MIA3: variants seen among roughly 807,000 people sequenced by gnomAD.
MIA3 encodes transport and Golgi organization protein 1 homolog.
Under a neutral mutation model 192.4 loss-of-function variants are expected in MIA3, and 90 were observed. That is an observed-to-expected ratio of 0.47 (90% CI 0.39 to 0.56). The LOEUF (loss-of-function observed/expected upper bound fraction) is 0.56. Among genes scored for constraint, MIA3 ranks in the 20% least tolerant of loss-of-function variants. The probability of loss-of-function intolerance (pLI) is 0.00; values close to 1 mark genes in which losing one functional copy is unlikely to be tolerated. For synonymous variants in MIA3, 740 were observed against 792.8 expected (o/e 0.93, Z 1.12); for missense variants, 2,123 against 2,269.4 (o/e 0.94, Z 1.31).
At chr1:222,619,964 A>C (rs979920967) in intron 1 of MIA3, among the ~76,000 whole-genome samples, 1 of 152,158 alleles carries the variant, frequency 6.6e-6, no homozygotes, top group Non-Finnish European at 1.5e-5. Flanking sequence ...TCTATGATCT[A>C]TTGTAAGGGG....
At position 222,654,304 on chromosome 1, in the gene MIA3, A is replaced by G. The variant is rs774680976; in HGVS notation, c.4377+6A>G. 1 of 1,613,962 alleles carries G rather than the reference A, an allele frequency of 6.2e-7. No homozygotes were observed. Among genetic ancestry groups the G allele is most frequent in the South Asian group, 1.1e-5 (1 of 91,062 alleles). ...AGATGATGGATGTCTCTCGGGTATA[A>G]TCGTTTTTAGAGTCCCATAATTGCC... On this transcript the variant is annotated splice_donor_region_variant and intron_variant, in intron 16 of 27. Coordinates refer to ENST00000344922, the MANE Select transcript of MIA3 (RefSeq NM_198551.4).
At chr1:222,658,618 G>GC in intron 18 of MIA3, 104 bp from the exon 19 acceptor site, 1 of 757,000 alleles carries the variant, frequency 1.3e-6, no homozygotes, top group Middle Eastern at 2.6e-4. Flanking sequence ...TATAATCTAT[G>GC]CATTTTTAAG....
chr1:222,618,149 G>A lies in MIA3; in HGVS notation c.39G>A (p.Val13=). The A allele has an allele frequency of 1.3e-6, 2 of 1,508,728 alleles. No homozygotes were observed. Among genetic ancestry groups the A allele is most frequent in the Non-Finnish European group, 1.8e-6 (2 of 1,130,118 alleles). 93.5% of individuals were successfully genotyped at this position (1,508,728 alleles called of 1,614,324 possible). A position where few individuals can be genotyped will look rare whatever the true frequency, so the allele number is the denominator to read the frequency against. Residue 13 remains valine, a synonymous_variant, in exon 1 of 28, where the codon GTG becomes GTA. Coordinates refer to ENST00000344922, the MANE Select transcript of MIA3 (RefSeq NM_198551.4). ...AAPGLLVWLL[V]LRLPWRVPGQ... is the part of the protein sequence containing the mutation. The stretch of plus-strand genomic sequence containing the variant: ...CTGGGCTGCTCGTCTGGCTGCTCGT[G>A]CTCCGGCTGCCCTGGCGGGTGCCGG...
At chr1:222,638,393 A>G (rs970552847) in intron 6 of MIA3, among the ~76,000 whole-genome samples, 1 of 152,210 alleles carries the variant, frequency 6.6e-6, no homozygotes, top group African/African-American at 2.4e-5. Context: ...AGAAATTAGT[A>G]TTTTGAGATG....
intron 6 of MIA3, among the ~76,000 whole-genome samples, chr1:222,633,957 C>T (rs990150323): frequency 6.6e-6 from 1 of 151,744 alleles, no homozygotes; most frequent in African/African-American, 2.4e-5. Flanking sequence ...CTCAGGCGAT[C>T]CTCCTGCTTC....
Position 222,630,104 on chromosome 1 carries a change from G to A in MIA3, c.2884G>A (p.Ala962Thr). 6.2e-7 allele frequency: 1 copy of A among 1,614,244 alleles called. No individual in the cohort carries two copies. The highest frequency in any genetic ancestry group is 1.1e-5 in the South Asian group (1 of 91,088). Reference sequence around the variant, plus strand: ...AGAAATGTCATCAAAACTGAAGTCAGCGCAGCAGGAGAGCCTGCCCTATAA... The same window carrying A: ...AGAAATGTCATCAAAACTGAAGTCAACGCAGCAGGAGAGCCTGCCCTATAA... ...LQEMSSKLKS[A>T]QQESLPYNME... is the part of the protein sequence containing the mutation. Residue 962 changes from alanine (A) to threonine (T), a missense_variant, in exon 4 of 28, where the codon GCG becomes ACG. Physicochemically the swap from Ala to Thr is moderately conservative, Grantham distance 58. Around this residue, in one of 3 missense-constraint regions of MIA3, gnomAD observed 1,357 missense variants for 1,396.1 expected, o/e 0.97. Coordinates refer to ENST00000344922, the MANE Select transcript of MIA3 (RefSeq NM_198551.4).
rs1408123272 is a variant in MIA3 at position 222,659,889 on chromosome 1, C to T, written c.4875-17C>T. 2 of 1,601,584 alleles carry T rather than the reference C, an allele frequency of 1.2e-6. No homozygotes were observed. The highest frequency in any genetic ancestry group is 1.7e-6 in the Non-Finnish European group (2 of 1,170,536). On this transcript the variant is annotated splice_polypyrimidine_tract_variant and intron_variant, in intron 22 of 27. Coordinates refer to ENST00000344922, the MANE Select transcript of MIA3 (RefSeq NM_198551.4). ...CATATTTAACTCTTTCTTAAATATT[C>T]TTTCTCTATATTCAAGATTATTAGA... is the stretch of plus-strand genomic sequence containing the variant.
chr1:222,664,095 C>G lies in MIA3; in HGVS notation c.5360C>G (p.Pro1787Arg), dbSNP rs756318068. 48 of 1,614,106 alleles carry G rather than the reference C, an allele frequency of 3.0e-5. No homozygotes were observed. Among genetic ancestry groups the G allele is most frequent in the Non-Finnish European group, 4.0e-5 (47 of 1,180,040 alleles). Residue 1787 changes from proline to arginine, a missense_variant, in exon 27 of 28, where the codon CCA becomes CGA. Around this residue, in one of 3 missense-constraint regions of MIA3, gnomAD observed 762 missense variants for 856.4 expected, o/e 0.89. Transcript: ENST00000344922. ...GTACCACCACCCATTCGATATGGACCACCACCTCAGCTCTGCGGACCTTTT... is the reference window on the plus strand; with the variant it reads ...GTACCACCACCCATTCGATATGGACGACCACCTCAGCTCTGCGGACCTTTT... Reference protein sequence around the residue: ...GPVPPPIRYGPPPQLCGPFGP... With the variant: ...GPVPPPIRYGRPPQLCGPFGP...
intron 6 of MIA3, among the ~76,000 whole-genome samples, chr1:222,634,249 A>T (rs1662535521): frequency 6.6e-6 from 1 of 151,932 alleles, no homozygotes; most frequent in African/African-American, 2.4e-5. Flanking sequence ...TGAGCCCGGG[A>T]GGCAGAGGTT....
chr1:222,637,378 T>G (rs1662673376), intron 6 of MIA3, among the ~76,000 whole-genome samples: 1 of 152,208 alleles, frequency 6.6e-6, no homozygotes, highest in African/African-American at 2.4e-5. Flanking sequence ...CATCTGGGTG[T>G]CCCTCTTTTT....
intron 2 of MIA3, among the ~76,000 whole-genome samples, chr1:222,623,182 G>T (rs965061708): frequency 4.6e-5 from 7 of 151,638 alleles, no homozygotes; most frequent in Non-Finnish European, 1.5e-5. Context: ...CCTACCCCCC[G>T]CCCAAATGAA....
chr1:222,664,272 C>T lies in MIA3; in HGVS notation c.5413+124C>T, dbSNP rs1046795635. 26 of 1,016,176 alleles carry T rather than the reference C, an allele frequency of 2.6e-5. 1 individual carries two copies. The Middle Eastern group carries it at 1.1e-3, about 45-fold the overall frequency. The allele number at this position is 1,016,176 out of a possible 1,614,324, so 62.9% of individuals were successfully genotyped here. ...CAGCAGTGAAGCTGATTGAGTACACCGTAACTTTTCCCCAAGTTTCTTCAG... is the reference window on the plus strand; with the variant it reads ...CAGCAGTGAAGCTGATTGAGTACACTGTAACTTTTCCCCAAGTTTCTTCAG... On this transcript the variant is annotated intron_variant, in intron 27 of 27. Transcript: ENST00000344922.
chr1:222,646,679 G>A (rs1571890232), intron 7 of MIA3, among the ~76,000 whole-genome samples: 2 of 152,186 alleles, frequency 1.3e-5, no homozygotes, highest in East Asian at 3.9e-4. Context: ...TTGAACTGGG[G>A]AAGCAGATCA....
At chr1:222,621,793 G>A (rs1297835062) in intron 2 of MIA3, among the ~76,000 whole-genome samples, 2 of 150,120 alleles carry the variant, frequency 1.3e-5, no homozygotes, top group African/African-American at 2.4e-5. Context: ...GTTGTTTCTC[G>A]TGTGCTTTCT....
At chr1:222,659,390 G>T in intron 19 of MIA3, 63 bp from the exon 20 acceptor site, 2 of 1,440,236 alleles carry the variant, frequency 1.4e-6, no homozygotes, top group Non-Finnish European at 2.0e-6. Context: ...GGTTAACATA[G>T]TCAGATTGTT....
At chr1:222,649,120 A>G (rs1361528978) in intron 8 of MIA3, 5 of 293,256 alleles carry the variant, frequency 1.7e-5, no homozygotes, top group Non-Finnish European at 3.1e-5. Flanking sequence ...TGTAGTACCA[A>G]TTTATTACAT....
At chr1:222,620,235 T>C (rs1215461862) in intron 1 of MIA3, among the ~76,000 whole-genome samples, 2 of 152,214 alleles carry the variant, frequency 1.3e-5, no homozygotes, top group Non-Finnish European at 2.9e-5. Context: ...TCCTTCTTTG[T>C]CTCTGCTATT....
intron 9 of MIA3, 31 bp downstream of exon 9, chr1:222,650,411 C>A (rs201935350): frequency 2.7e-6 from 3 of 1,130,334 alleles, no homozygotes; most frequent in South Asian, 1.4e-5. Flanking sequence ...TTTTTTTTTT[C>A]ATGGTCCCAG....
rs371637443 is a variant in MIA3 at position 222,632,289 on chromosome 1, G to A, written c.3294G>A (p.Val1098=). The A allele has an allele frequency of 1.9e-6, 3 of 1,614,068 alleles. No homozygotes were observed. Among genetic ancestry groups the A allele is most frequent in the Admixed American group, 3.3e-5 (2 of 60,014 alleles). Residue 1098 remains valine, a synonymous_variant, in exon 5 of 28, where the codon GTG becomes GTA. Coordinates refer to ENST00000344922, the MANE Select transcript of MIA3 (RefSeq NM_198551.4). ...RVIGDTHASE[V]SQKPNTEKDL... ...TTGGGGACACTCATGCCTCAGAAGTGTCACAGAAGCCAAATACTGAGAAAG... is the reference window on the plus strand; with the variant it reads ...TTGGGGACACTCATGCCTCAGAAGTATCACAGAAGCCAAATACTGAGAAAG...
Sources: allele counts gnomAD v4.1 joint callset (sites outside exome capture counted in the v4.1 genomes callset), GRCh38; gene constraint gnomAD v4.1.1; regional missense constraint gnomAD v4.1.1; transcripts MANE v1.5; gene names NCBI Gene and HGNC (gene_info 2026-07-23, HGNC 2026-07-21).